Variants in PI16 observed in about 807,000 individuals in gnomAD.
PI16 encodes the protein PSP94-binding protein.
In PI16, 35 loss-of-function variants were observed where a neutral mutation model predicts 38.0. The observed-to-expected ratio is 0.92, with a 90% CI of 0.70 to 1.22. The LOEUF is 1.22. PI16 is among the 50% of genes most tolerant of loss of function. The probability of loss-of-function intolerance (pLI) is 0.00; values close to 1 mark genes in which losing one functional copy is unlikely to be tolerated. For missense variants in PI16, 572 were observed against 593.8 expected, an observed-to-expected ratio of 0.96 and a Z score of 0.38; for synonymous variants, 275 against 252.9, an observed-to-expected ratio of 1.09 and a Z score of -0.83.
In PI16 at chr6:36,963,887, G is replaced by C; in HGVS notation, c.1335G>C (p.Trp445Cys). 4 of 1,613,766 alleles carry C rather than the reference G, an allele frequency of 2.5e-6. No individual in the cohort carries two copies. Among genetic ancestry groups the C allele is most frequent in the Non-Finnish European group, 3.4e-6 (4 of 1,179,884 alleles). Reference protein sequence around the residue: ...SGLNSGPGHVWGPLLGLLLLP... With the variant: ...SGLNSGPGHVCGPLLGLLLLP... ...TGAACTCGGGCCCTGGTCATGTGTGGGGCCCTCTCCTGGGACTACTGCTCC... is the reference window on the plus strand; with the variant it reads ...TGAACTCGGGCCCTGGTCATGTGTGCGGCCCTCTCCTGGGACTACTGCTCC... The change falls in exon 6 of 7, where the codon TGG (tryptophan) becomes TGC (cysteine). Residue 445 changes from tryptophan to cysteine, a missense_variant. By Grantham distance (215) the Trp-to-Cys change is radical (BLOSUM62 -2). Coordinates refer to ENST00000373674, the MANE Select transcript of PI16 (RefSeq NM_153370.3).
At chr6:36,953,041 C>T (rs574356987), upstream of PI16, among the ~76,000 whole-genome samples, 71 of 152,212 alleles carry the variant, frequency 4.7e-4, 1 homozygote, top group Middle Eastern at 3.4e-3. Flanking sequence ...TGCTAAGGGC[C>T]AGGCGCAGTG....
At position 36,962,007 on chromosome 6, in the gene PI16, G is replaced by A. The variant is rs1238621075; in HGVS notation, c.592+33G>A. 1.2e-5 allele frequency: 19 copies of A among 1,566,076 alleles called. No individual in the cohort carries two copies. The highest frequency in any genetic ancestry group is 1.7e-5 in the Non-Finnish European group (19 of 1,136,414). ...CACGGGTGGATGGGTAGGGGCAGGG[G>A]GTGTGGAAATGATGCGATGCAGACT... On this transcript the variant is annotated intron_variant, in intron 4 of 6. Transcript: ENST00000373674. The surrounding 1 kb of genome is among the most constrained non-coding windows in gnomAD (Gnocchi z 4.1).
chr6:36,951,070 G>C (rs939056930), upstream of PI16, among the ~76,000 whole-genome samples: 5 of 152,184 alleles, frequency 3.3e-5, no homozygotes, highest in Non-Finnish European at 7.3e-5. Context: ...ATCCTAATGA[G>C]TGTGAAGTGG....
At chr6:36,961,841 G>A (rs994304660) in intron 3 of PI16, 45 bp from the exon 4 acceptor site, 1 of 1,472,466 alleles carries the variant, frequency 6.8e-7, no homozygotes, top group Non-Finnish European at 9.5e-7. Context: ...AGAGGGTTGG[G>A]AGGGGTCGAC....
In PI16 at chr6:36,954,780, T is replaced by C. The variant is rs2150733815; in HGVS notation, c.20T>C (p.Phe7Ser). 1.2e-6 allele frequency: 2 copies of C among 1,613,558 alleles called. No homozygotes were observed. The highest frequency in any genetic ancestry group is 2.2e-5 in the East Asian group (1 of 44,862). Reference protein sequence around the residue: MHGSCSFLMLLLPLLLL... With the variant: MHGSCSSLMLLLPLLLL... The stretch of plus-strand genomic sequence containing the variant: ...GCCACCATGCACGGCTCCTGCAGTT[T>C]CCTGATGCTTCTGCTGCCGCTACTG... Residue 7 changes from phenylalanine (F) to serine (S), a missense_variant, in exon 1 of 7, where the codon TTC becomes TCC. Phe to Ser is a radical substitution (Grantham distance 155). Transcript: ENST00000373674.
intron 1 of PI16, among the ~76,000 whole-genome samples, chr6:36,956,975 C>G (rs893769946): frequency 3.9e-5 from 6 of 152,202 alleles, no homozygotes; most frequent in African/African-American, 1.4e-4. Context: ...ACCCCCTTCT[C>G]TTTTCAGCAC....
chr6:36,954,788 CTTCTGCTGCCGCT>C lies in PI16; in HGVS notation c.29_41del (p.Leu10HisfsTer22). 1 of 1,613,664 alleles carries C rather than the reference CTTCTGCTGCCGCT, an allele frequency of 6.2e-7. No homozygotes were observed. The highest frequency in any genetic ancestry group is 1.1e-5 in the South Asian group (1 of 91,066). On this transcript the variant is annotated frameshift_variant, in exon 1 of 7. Transcript: ENST00000373674. LOFTEE classifies it high-confidence loss of function. ...GCACGGCTCCTGCAGTTTCCTGATG[CTTCTGCTGCCGCT>C]ACTGCTACTGCTGGTGGCCACCACA...
chr6:36,963,004 C>A lies in PI16; in HGVS notation c.662C>A (p.Ala221Glu), dbSNP rs1763414315. The change falls in exon 5 of 7, where the codon GCG becomes GAG. Residue 221 changes from alanine to glutamate, a missense_variant. Transcript: ENST00000373674. The part of the protein sequence containing the change: ...YLVTEAPSFR[A>E]TEASDSRKMG... ...GTAACTGAGGCCCCATCCTTCCGGG[C>A]GACTGAAGCATCAGACTCTAGGAAA... 1.9e-6 allele frequency: 3 copies of A among 1,614,188 alleles called. No individual in the cohort carries two copies. The highest frequency in any genetic ancestry group is 1.7e-5 in the Admixed American group (1 of 60,030).
intron 3 of PI16, 135 bp from the exon 4 acceptor site, chr6:36,961,751 A>G (rs1763371212): frequency 5.4e-6 from 5 of 925,530 alleles, no homozygotes; most frequent in Non-Finnish European, 6.9e-6. Flanking sequence ...GAGGAGCCCA[A>G]GTTCGCCCAG....
In PI16 at chr6:36,963,549, A is replaced by T; in HGVS notation, c.1207A>T (p.Asn403Tyr). 6.2e-7 allele frequency: 1 copy of T among 1,613,978 alleles called. No homozygotes were observed. ...TSSKSLPNFP[N>Y]TSATANATGG... is the part of the protein sequence containing the mutation. ...CTCCAAGTCCCTGCCCAATTTCCCC[A>T]ATACCTCTGCCACCGCTAATGCCAC... Residue 403 changes from asparagine to tyrosine, a missense_variant, in exon 5 of 7, where the codon AAT (asparagine) becomes TAT (tyrosine). Physicochemically the swap from Asn to Tyr is moderately radical, Grantham distance 143 (BLOSUM62 -2). Transcript: ENST00000373674.
At chr6:36,948,680 C>A (rs1763053178) in intron 1 of PI16, among the ~76,000 whole-genome samples, 1 of 139,254 alleles carries the variant, frequency 7.2e-6, no homozygotes, top group Admixed American at 7.4e-5. Flanking sequence ...TCCCTCCCTC[C>A]TTCCTCCCTC....
At chr6:36,958,822 A>C (rs1389526408) in intron 1 of PI16, among the ~76,000 whole-genome samples, 1 of 152,112 alleles carries the variant, frequency 6.6e-6, no homozygotes. Context: ...ATGTATGGCC[A>C]CCTTTTTCAC....
chr6:36,963,501 C>A lies in PI16; in HGVS notation c.1159C>A (p.Leu387Met), dbSNP rs1763431181. Reference sequence around the variant, plus strand: ...CAAGCCAGGTGAGCTGCAGGCCACACTGGACCACACGGGGCACACCTCCTC... The same window carrying A: ...CAAGCCAGGTGAGCTGCAGGCCACAATGGACCACACGGGGCACACCTCCTC... ...QDKPGELQAT[L>M]DHTGHTSSKS... The change falls in exon 5 of 7, where the codon CTG becomes ATG. Residue 387 changes from leucine to methionine, a missense_variant. Coordinates refer to ENST00000373674, the MANE Select transcript of PI16 (RefSeq NM_153370.3). 3.7e-6 allele frequency: 6 copies of A among 1,614,190 alleles called. No individual in the cohort carries two copies. The highest frequency in any genetic ancestry group is 1.6e-4 in the Middle Eastern group (1 of 6,062).
intron 1 of PI16, 86 bp downstream of exon 1, chr6:36,955,017 T>G: frequency 6.9e-7 from 1 of 1,459,294 alleles, no homozygotes; most frequent in South Asian, 1.4e-5. Context: ...CTGCTCCTCA[T>G]GCTGAAGCTA....
intron 1 of PI16, among the ~76,000 whole-genome samples, chr6:36,958,332 T>C (rs992437209): frequency 2.0e-5 from 3 of 152,314 alleles, no homozygotes; most frequent in African/African-American, 7.2e-5. Context: ...TTAATCCCTC[T>C]TCCCACCCAC....
rs187979033 is a variant in PI16, at chr6:36,959,063, C to T, written c.172-82C>T. 5.7e-4 allele frequency: 721 copies of T among 1,257,718 alleles called. 2 individuals carry two copies. The highest frequency in any genetic ancestry group is 9.1e-4 in the Middle Eastern group (4 of 4,374). The allele number at this position is 1,257,718 out of a possible 1,614,324, so 77.9% of individuals were successfully genotyped here. ...TGCTAAGGAGGTGCCGGAAGGATTT[C>T]CCCACGACCTCCTCGACCTTTTGCT... On this transcript the variant is annotated intron_variant, in intron 1 of 6. Coordinates refer to ENST00000373674, the MANE Select transcript of PI16 (RefSeq NM_153370.3).
In PI16 at chr6:36,963,199, C is replaced by T. The variant is rs1440923698; in HGVS notation, c.857C>T (p.Thr286Ile). The change falls in exon 5 of 7, where the codon ACT (threonine) becomes ATT (isoleucine). Residue 286 changes from threonine to isoleucine, a missense_variant. Transcript: ENST00000373674. ...ACAGAGGCTCCACCTTGCGTAACAA[C>T]TGAGGTCCCTTCCATTTTGGCAGCT... ...MATEAPPCVTTEVPSILAAHS... is the reference protein window; with the variant it reads ...MATEAPPCVTIEVPSILAAHS... 6.2e-7 allele frequency: 1 copy of T among 1,614,266 alleles called. No individual in the cohort carries two copies. The highest frequency in any genetic ancestry group is 8.5e-7 in the Non-Finnish European group (1 of 1,180,050).
upstream of PI16, among the ~76,000 whole-genome samples, chr6:36,952,293 C>G (rs565371575): frequency 1.9e-4 from 29 of 152,236 alleles, no homozygotes; most frequent in Middle Eastern, 6.8e-3. Flanking sequence ...TACACTCTGC[C>G]CCCGAAAGTT....
At chr6:36,961,387 G>A in intron 2 of PI16, 64 bp from the exon 3 acceptor site, 1 of 1,396,720 alleles carries the variant, frequency 7.2e-7, no homozygotes, top group Non-Finnish European at 1.0e-6. Context: ...AGGTGTAGTG[G>A]GATGCCAGGA....
Sources: allele counts gnomAD v4.1 joint callset (sites outside exome capture counted in the v4.1 genomes callset), GRCh38; gene constraint gnomAD v4.1.1; non-coding constraint Gnocchi (gnomAD v3.1); transcripts MANE v1.5; gene names NCBI Gene and HGNC (gene_info 2026-07-23, HGNC 2026-07-21).